ZNF277: variants seen among roughly 807,000 people sequenced by gnomAD.
ZNF277 encodes nuclear receptor-interacting factor 4.
ZNF277 carries 55 observed loss-of-function variants against 60.7 expected under a neutral mutation model. That is an observed-to-expected ratio of 0.91 (90% confidence interval 0.73 to 1.13). The LOEUF is 1.13. Ranked by LOEUF, ZNF277 falls within the 50% of genes most tolerant of loss-of-function variation. ZNF277 has a pLI of 0.00. For synonymous variants in ZNF277, 178 were observed against 179.3 expected, an observed-to-expected ratio of 0.99 and a Z score of 0.06; for missense variants, 510 against 523.0, an observed-to-expected ratio of 0.98 and a Z score of 0.24.
At chr7:112,292,607 G>C (rs1792234602) in intron 2 of ZNF277, among the ~76,000 whole-genome samples, 2 of 152,004 alleles carry the variant, frequency 1.3e-5, no homozygotes, top group Non-Finnish European at 2.9e-5. Flanking sequence ...TGCATTTCTT[G>C]TACCGATTCG....
intron 2 of ZNF277, among the ~76,000 whole-genome samples, chr7:112,294,997 CA>C (rs1414509232): frequency 6.6e-6 from 1 of 152,064 alleles, no homozygotes; most frequent in Non-Finnish European, 1.5e-5. Flanking sequence ...CAATAAGTCC[CA>C]TTTCTTTTTT....
At position 112,343,632 on chromosome 7, in the gene ZNF277, A is replaced by T. The variant is rs1289334943; in HGVS notation, c.*903A>T. ...TTTGGATATAATGAAGAAACAGTCAAATCCAAGTTTGAGGCTGGGCACAGT... is the reference window on the plus strand; with the variant it reads ...TTTGGATATAATGAAGAAACAGTCATATCCAAGTTTGAGGCTGGGCACAGT... On this transcript the variant is annotated 3_prime_UTR_variant, in exon 12 of 12. Transcript: ENST00000361822. 6.6e-6 allele frequency among the ~76,000 whole-genome samples: 1 copy of T among 152,164 alleles called. No homozygotes were observed. Among genetic ancestry groups the T allele is most frequent in the Non-Finnish European group, 1.5e-5 (1 of 68,038 alleles).
chr7:112,240,874 A>C (rs573214196), intron 1 of ZNF277, among the ~76,000 whole-genome samples: 11 of 152,336 alleles, frequency 7.2e-5, no homozygotes, highest in African/African-American at 2.4e-4. Flanking sequence ...TAAAGACTTA[A>C]ATCTAAGACC....
chr7:112,280,246 CA>C (rs1791910009), intron 1 of ZNF277, among the ~76,000 whole-genome samples: 1 of 152,092 alleles, frequency 6.6e-6, no homozygotes, highest in African/African-American at 2.4e-5. Context: ...TGCATTTTAA[CA>C]AAACCTACAA....
intron 4 of ZNF277, among the ~76,000 whole-genome samples, chr7:112,317,006 A>G (rs1258091800): frequency 6.6e-6 from 1 of 152,116 alleles, no homozygotes; most frequent in Admixed American, 6.6e-5. Flanking sequence ...TAGCAAGGAC[A>G]TGGATGAAGC....
intron 1 of ZNF277, among the ~76,000 whole-genome samples, chr7:112,209,064 A>C (rs571498608): frequency 6.6e-6 from 1 of 152,178 alleles, no homozygotes; most frequent in Non-Finnish European, 1.5e-5. Flanking sequence ...GCAGTCTATC[A>C]TAGAAACCCT....
intron 1 of ZNF277, among the ~76,000 whole-genome samples, chr7:112,262,088 A>AT (rs1463006236): frequency 6.6e-6 from 1 of 151,894 alleles, no homozygotes; most frequent in African/African-American, 2.4e-5. Context: ...ACTATTTTCT[A>AT]TTTCTCTACA....
At chr7:112,281,710 C>G (rs920801711) in intron 1 of ZNF277, among the ~76,000 whole-genome samples, 1 of 152,046 alleles carries the variant, frequency 6.6e-6, no homozygotes, top group Admixed American at 6.5e-5. Flanking sequence ...TTCCTAGAAA[C>G]TGAGTACCTT....
At chr7:112,221,631 G>A (rs1242527955) in intron 1 of ZNF277, among the ~76,000 whole-genome samples, 1 of 152,172 alleles carries the variant, frequency 6.6e-6, no homozygotes, top group East Asian at 1.9e-4. Flanking sequence ...GGGGGTGATG[G>A]GAGACAGTGA....
At chr7:112,296,178 A>G (rs556909830) in intron 3 of ZNF277, 51 bp from the exon 4 acceptor site, 2 of 1,288,818 alleles carry the variant, frequency 1.6e-6, no homozygotes, top group African/African-American at 1.5e-5. Flanking sequence ...CCTTCTGGGG[A>G]AAAAATGGTT....
chr7:112,248,603 T>A (rs542145604), intron 1 of ZNF277, among the ~76,000 whole-genome samples: 5 of 152,206 alleles, frequency 3.3e-5, no homozygotes, highest in Admixed American at 6.5e-5. Flanking sequence ...CACCAAGAGA[T>A]AATCACTGTT....
intron 7 of ZNF277, among the ~76,000 whole-genome samples, chr7:112,334,097 T>A (rs937334748): frequency 6.6e-6 from 1 of 152,248 alleles, no homozygotes; most frequent in East Asian, 1.9e-4. Flanking sequence ...TTCATAGTTT[T>A]TTATAGTTTT....
rs968573815 is a variant in ZNF277, at chr7:112,343,762, C to T, written c.*1033C>T. ...CCAACGTGGCAAAACCCCATCTCTACGAAAAATACACAGATTAGCCAGGCA... is the reference window on the plus strand; with the variant it reads ...CCAACGTGGCAAAACCCCATCTCTATGAAAAATACACAGATTAGCCAGGCA... On this transcript the variant is annotated 3_prime_UTR_variant, in exon 12 of 12. Coordinates refer to ENST00000361822, the MANE Select transcript of ZNF277 (RefSeq NM_021994.3). 2.6e-5 allele frequency among the ~76,000 whole-genome samples: 4 copies of T among 151,702 alleles called. No individual in the cohort carries two copies. The highest frequency in any genetic ancestry group is 4.8e-5 in the African/African-American group (2 of 41,286).
intron 2 of ZNF277, among the ~76,000 whole-genome samples, chr7:112,292,805 C>G (rs181033464): frequency 2.0e-5 from 3 of 152,160 alleles, no homozygotes; most frequent in Non-Finnish European, 4.4e-5. Context: ...ACCACTTTAG[C>G]CACCTATATG....
At position 112,343,053 on chromosome 7, in the gene ZNF277, A is replaced by T. The variant is rs1793476115; in HGVS notation, c.*324A>T. The T allele has an allele frequency of 6.0e-6, 1 of 165,382 alleles. No homozygotes were observed. The highest frequency in any genetic ancestry group is 1.8e-4 in the South Asian group (1 of 5,546). The allele number at this position is 165,382 out of a possible 1,614,324, so 10.2% of individuals were successfully genotyped here. Reference sequence around the variant, plus strand: ...AGAAGTATATGTCAATTACAAAGAAATGAAATGTTCAAATTATTTATAAAC... The same window carrying T: ...AGAAGTATATGTCAATTACAAAGAATTGAAATGTTCAAATTATTTATAAAC... On this transcript the variant is annotated 3_prime_UTR_variant, in exon 12 of 12. Transcript: ENST00000361822.
chr7:112,292,753 T>C (rs886186368), intron 2 of ZNF277, among the ~76,000 whole-genome samples: 5 of 152,212 alleles, frequency 3.3e-5, no homozygotes, highest in Non-Finnish European at 5.9e-5. Flanking sequence ...TGGTAGCTGC[T>C]AATAATTGTC....
chr7:112,218,550 T>C (rs901622662), intron 1 of ZNF277, among the ~76,000 whole-genome samples: 2 of 152,220 alleles, frequency 1.3e-5, no homozygotes, highest in Admixed American at 6.5e-5. Context: ...GTTACCCTGT[T>C]GTACAGCAGA....
intron 4 of ZNF277, among the ~76,000 whole-genome samples, chr7:112,297,587 A>T (rs1161986373): frequency 6.6e-6 from 1 of 152,180 alleles, no homozygotes; most frequent in Non-Finnish European, 1.5e-5. Flanking sequence ...TTGGATGTTG[A>T]TTTATATCTA....
intron 4 of ZNF277, among the ~76,000 whole-genome samples, chr7:112,304,201 C>T (rs1325310256): frequency 6.6e-6 from 1 of 152,034 alleles, no homozygotes. Context: ...CTGTATTTTG[C>T]CATTAATAGT....
Sources: allele counts gnomAD v4.1 joint callset (sites outside exome capture counted in the v4.1 genomes callset), GRCh38; gene constraint gnomAD v4.1.1; transcripts MANE v1.5; gene names NCBI Gene and HGNC (gene_info 2026-07-23, HGNC 2026-07-21).